The following RBM28 variants were observed in gnomAD, a reference collection of about 807,000 sequenced individuals.
The protein encoded by RBM28 is RNA binding motif protein 28.
Under a neutral mutation model 98.3 loss-of-function variants are expected in RBM28, and 78 were observed. That is an observed-to-expected ratio of 0.79 (90% CI 0.66 to 0.96). The LOEUF (loss-of-function observed/expected upper bound fraction) is 0.96. RBM28 is among the 40% of genes least tolerant of loss of function. The pLI is 0.00. For missense variants in RBM28, 838 were observed against 913.0 expected, an observed-to-expected ratio of 0.92 and a Z score of 1.06; for synonymous variants, 306 against 330.9, an observed-to-expected ratio of 0.92 and a Z score of 0.82.
rs891524199 is a variant in RBM28, at chr7:128,298,241, G to C, written c.*12556C>G. ...AGCATGTGATCTTTGTTCTGCTTTT[G>C]CCCTTTGAAGCATGTGATCTTTGTA... On this transcript the variant is annotated 3_prime_UTR_variant, in exon 19 of 19. Coordinates refer to ENST00000223073, the MANE Select transcript of RBM28 (RefSeq NM_018077.3). 6.6e-6 allele frequency: 1 copy of C among 151,932 alleles called. No homozygotes were observed. The highest frequency in any genetic ancestry group is 2.1e-4 in the South Asian group (1 of 4,816). The allele number at this position is 151,932 out of a possible 1,614,324, so 9.4% of individuals were successfully genotyped here.
At chr7:128,320,696 T>A (rs1052111753) in intron 14 of RBM28, among the ~76,000 whole-genome samples, 1 of 152,250 alleles carries the variant, frequency 6.6e-6, no homozygotes, top group African/African-American at 2.4e-5. Flanking sequence ...CAAAGTATAA[T>A]GCTAAGCACA....
rs1431243804 is a variant in RBM28, at chr7:128,337,157, T to C, written c.587A>G (p.Lys196Arg). 1.2e-6 allele frequency: 2 copies of C among 1,614,038 alleles called. No individual in the cohort carries two copies. Reference sequence around the variant, plus strand: ...TATAGCAGAAACAGACTGTGTATCTTTATATTTATCCTTTGCCACGGCCCA... The same window carrying C: ...TATAGCAGAAACAGACTGTGTATCTCTATATTTATCCTTTGCCACGGCCCA... ...VDWAVAKDKYKDTQSVSAIGE... is the reference protein window; with the variant it reads ...VDWAVAKDKYRDTQSVSAIGE... Residue 196 changes from lysine (K) to arginine (R), a missense_variant, in exon 6 of 19, where the codon AAA becomes AGA. By Grantham distance (26) the Lys-to-Arg change is conservative. Coordinates refer to ENST00000223073, the MANE Select transcript of RBM28 (RefSeq NM_018077.3).
At chr7:128,325,684 A>C in intron 11 of RBM28, 134 bp downstream of exon 11, 1 of 695,166 alleles carries the variant, frequency 1.4e-6, no homozygotes. Flanking sequence ...GCCTAACACA[A>C]AGTGCTAAAT....
rs886223036 is a variant in RBM28 at position 128,312,970 on chromosome 7, G to C, written c.2145+205C>G. 1.7e-5 allele frequency: 10 copies of C among 597,502 alleles called. No homozygotes were observed. In the African/African-American group the frequency reaches 1.9e-4, roughly 11 times the overall value. 37.0% of individuals were successfully genotyped at this position (597,502 alleles called of 1,614,324 possible). ...GAATATGTAAAACAAGGAGACTGCT[G>C]AAACACAGGAACAGATACGTGGAGG... is the stretch of plus-strand genomic sequence containing the variant. On this transcript the variant is annotated intron_variant, in intron 18 of 18. Transcript: ENST00000223073.
In RBM28 at chr7:128,305,712, C is replaced by G. The variant is rs890566111; in HGVS notation, c.*5085G>C. On this transcript the variant is annotated 3_prime_UTR_variant, in exon 19 of 19. Transcript: ENST00000223073. ...TACAGACTGGGAGTCCCTTGGGTAG[C>G]GGGGGACAGGAATGGGATTGGCTTT... 6.6e-6 allele frequency: 1 copy of G among 152,112 alleles called. No individual in the cohort carries two copies. The highest frequency in any genetic ancestry group is 1.5e-5 in the Non-Finnish European group (1 of 68,084). The allele number at this position is 152,112 out of a possible 1,614,324, so 9.4% of individuals were successfully genotyped here. A position where few individuals can be genotyped will look rare whatever the true frequency, so the allele number is the denominator to read the frequency against.
At position 128,301,575 on chromosome 7, in the gene RBM28, T is replaced by C. The variant is rs1293487247; in HGVS notation, c.*9222A>G. On this transcript the variant is annotated 3_prime_UTR_variant, in exon 19 of 19. Coordinates refer to ENST00000223073, the MANE Select transcript of RBM28 (RefSeq NM_018077.3). Reference sequence around the variant, plus strand: ...GCTTTTGTCTCTAGCCTTCCTAGAGTAGCTCAGATCAGTTCACACCCCTCT... The same window carrying C: ...GCTTTTGTCTCTAGCCTTCCTAGAGCAGCTCAGATCAGTTCACACCCCTCT... 1 of 152,246 alleles carries C rather than the reference T, an allele frequency of 6.6e-6. No individual in the cohort carries two copies. The highest frequency in any genetic ancestry group is 1.5e-5 in the Non-Finnish European group (1 of 68,168). The allele number at this position is 152,246 out of a possible 1,614,324, so 9.4% of individuals were successfully genotyped here.
intron 13 of RBM28, among the ~76,000 whole-genome samples, chr7:128,323,165 T>A (rs1264146421): frequency 2.6e-5 from 4 of 152,190 alleles, no homozygotes; most frequent in African/African-American, 4.8e-5. Context: ...TCCAGCTCAT[T>A]CTGATCTTCC....
intron 10 of RBM28, among the ~76,000 whole-genome samples, chr7:128,329,100 C>CT (rs1191343019): frequency 3.3e-5 from 5 of 149,900 alleles, no homozygotes; most frequent in African/African-American, 4.9e-5. Flanking sequence ...AGGTCTTAAA[C>CT]TTTTTTTTTT....
In RBM28 at chr7:128,299,994, CTTTGA is replaced by C. The variant is rs1367566351; in HGVS notation, c.*10798_*10802del. The C allele has an allele frequency of 4.6e-5, 7 of 152,248 alleles. No homozygotes were observed. The highest frequency in any genetic ancestry group is 6.5e-5 in the Admixed American group (1 of 15,290). 9.4% of individuals were successfully genotyped at this position (152,248 alleles called of 1,614,324 possible). A position where few individuals can be genotyped will look rare whatever the true frequency, so the allele number is the denominator to read the frequency against. Reference sequence around the variant, plus strand: ...CATGAAGGAACCAACCTTGCCAACACTTTGATTTTAGACTTCTAGCCTCCAGAACC... The same window carrying C: ...CATGAAGGAACCAACCTTGCCAACACTTTTAGACTTCTAGCCTCCAGAACC... On this transcript the variant is annotated 3_prime_UTR_variant, in exon 19 of 19. Coordinates refer to ENST00000223073, the MANE Select transcript of RBM28 (RefSeq NM_018077.3).
intron 10 of RBM28, among the ~76,000 whole-genome samples, chr7:128,328,210 TAGAA>T (rs1235851312): frequency 1.3e-5 from 2 of 152,158 alleles, no homozygotes; most frequent in South Asian, 2.1e-4. Context: ...AGATACTCAA[TAGAA>T]AGAAACAAAT....
intron 10 of RBM28, among the ~76,000 whole-genome samples, chr7:128,330,227 C>T (rs1432235504): frequency 6.6e-6 from 1 of 151,930 alleles, no homozygotes; most frequent in Admixed American, 6.6e-5. Flanking sequence ...GATACTATCA[C>T]ATTTGAAATG....
intron 1 of RBM28, among the ~76,000 whole-genome samples, 183 bp downstream of exon 1, chr7:128,343,493 G>A (rs1796772901): frequency 6.6e-6 from 1 of 152,222 alleles, no homozygotes; most frequent in African/African-American, 2.4e-5. Context: ...GTAAGGGAAT[G>A]CTTTGCCCTT....
rs747525001 is a variant in RBM28 at position 128,313,170 on chromosome 7, C to T, written c.2145+5G>A. On this transcript the variant is annotated splice_donor_5th_base_variant and intron_variant, in intron 18 of 18. Transcript: ENST00000223073. ...TACCAAAGCTGTATGTCCTGCAGAACTCACCTGCTCGGACGATAATTGCTG... is the reference window on the plus strand; with the variant it reads ...TACCAAAGCTGTATGTCCTGCAGAATTCACCTGCTCGGACGATAATTGCTG... The T allele has an allele frequency of 1.2e-6, 2 of 1,612,430 alleles. No individual in the cohort carries two copies. Among genetic ancestry groups the T allele is most frequent in the Admixed American group, 3.3e-5 (2 of 60,024 alleles).
At position 128,304,440 on chromosome 7, in the gene RBM28, A is replaced by G. The variant is rs575093326; in HGVS notation, c.*6357T>C. 2 of 152,372 alleles carry G rather than the reference A, an allele frequency of 1.3e-5. No individual in the cohort carries two copies. Among genetic ancestry groups the G allele is most frequent in the Admixed American group, 1.3e-4 (2 of 15,310 alleles). The allele number at this position is 152,372 out of a possible 1,614,324, so 9.4% of individuals were successfully genotyped here. A position where few individuals can be genotyped will look rare whatever the true frequency, so the allele number is the denominator to read the frequency against. On this transcript the variant is annotated 3_prime_UTR_variant, in exon 19 of 19. Coordinates refer to ENST00000223073, the MANE Select transcript of RBM28 (RefSeq NM_018077.3). ...ACTCACCCTTCTGACAGAAAATGCC[A>G]GAAAGTTTCCACCCCATTGACAGGC...
chr7:128,313,270 G>A lies in RBM28; in HGVS notation c.2050C>T (p.Arg684Trp), dbSNP rs766360462. 9 of 1,613,582 alleles carry A rather than the reference G, an allele frequency of 5.6e-6. No homozygotes were observed. Among genetic ancestry groups the A allele is most frequent in the East Asian group, 4.5e-5 (2 of 44,886 alleles). Residue 684 changes from arginine to tryptophan, a missense_variant, in exon 18 of 19, where the codon CGG (arginine) becomes TGG (tryptophan). Arg to Trp is a moderately radical substitution (Grantham distance 101). Transcript: ENST00000223073. Reference protein sequence around the residue: ...PSHRGPKIRLRDKGKVKPVHP... With the variant: ...PSHRGPKIRLWDKGKVKPVHP... ...ACGGGCTTCACTTTGCCTTTGTCCC[G>A]CAACCTGAAATAACATGGCTGAGTG...
rs1384384788 is a variant in RBM28 at position 128,335,805 on chromosome 7, T to C, written c.809+42A>G. On this transcript the variant is annotated intron_variant, in intron 7 of 18. Coordinates refer to ENST00000223073, the MANE Select transcript of RBM28 (RefSeq NM_018077.3). The stretch of plus-strand genomic sequence containing the variant: ...GAATTTTTCCTCTCGGAGACAATCT[T>C]GAATCTTCCTCTGCTGTCTCAGAAC... The C allele has an allele frequency of 1.9e-6, 3 of 1,614,018 alleles. No individual in the cohort carries two copies. The South Asian group carries it at 3.3e-5, about 18-fold the overall frequency.
chr7:128,329,888 C>CAAAAAAAAAAAA (rs398006204), intron 10 of RBM28, among the ~76,000 whole-genome samples: 3 of 101,620 alleles, frequency 3.0e-5, no homozygotes, highest in African/African-American at 1.3e-4. Flanking sequence ...GACTCCGTCT[C>CAAAAAAAAAAAA]AAAAAAAAAA....
rs1427125562 is a variant in RBM28, at chr7:128,308,480, C to T, written c.*2317G>A. 2 of 152,352 alleles carry T rather than the reference C, an allele frequency of 1.3e-5. No individual in the cohort carries two copies. Among genetic ancestry groups the T allele is most frequent in the East Asian group, 3.9e-4 (2 of 5,180 alleles). The allele number at this position is 152,352 out of a possible 1,614,324, so 9.4% of individuals were successfully genotyped here. A position where few individuals can be genotyped will look rare whatever the true frequency, so the allele number is the denominator to read the frequency against. ...TTAATAAAGTCCCTTACTTCCTCCA[C>T]ACTGTACAGACCAGGCTGAGAAAGA... On this transcript the variant is annotated 3_prime_UTR_variant, in exon 19 of 19. Transcript: ENST00000223073.
chr7:128,329,529 C>T (rs1193784606), intron 10 of RBM28, among the ~76,000 whole-genome samples: 2 of 152,164 alleles, frequency 1.3e-5, no homozygotes, highest in Non-Finnish European at 2.9e-5. Flanking sequence ...ACACAGCCTC[C>T]GAAGCAGCAT....
Sources: gnomAD v4.1 joint callset for allele counts (sites outside exome capture counted in the v4.1 genomes callset) on GRCh38, gnomAD v4.1.1 for gene constraint, MANE v1.5 for transcripts, NCBI Gene and HGNC (gene_info 2026-07-23, HGNC 2026-07-21) for gene names.